TENM2: variants seen among roughly 807,000 people sequenced by gnomAD.
TENM2 encodes teneurin-2.
In TENM2, 52 loss-of-function variants were observed where a neutral mutation model predicts 245.2. That is an observed-to-expected ratio of 0.21 (90% CI 0.17 to 0.27). TENM2 has a LOEUF of 0.27. Among genes scored for constraint, TENM2 ranks in the 10% least tolerant of loss-of-function variants. TENM2 has a pLI of 1.00. For synonymous variants in TENM2, 1,363 were observed against 1,438.9 expected (o/e 0.95, Z 1.19); for missense variants, 3,046 against 3,666.8 (o/e 0.83, Z 4.37).
At chr5:167,967,772 A>T (rs2151910240) in intron 4 of TENM2, among the ~76,000 whole-genome samples, 1 of 152,344 alleles carries the variant, frequency 6.6e-6, no homozygotes, top group African/African-American at 2.4e-5. Context: ...TTAAGTTCAC[A>T]GTTGAAAAAA....
chr5:167,197,020 T>A, the TENM2 span, among the ~76,000 whole-genome samples: 2 of 152,096 alleles, frequency 1.3e-5, no homozygotes, highest in Admixed American at 6.6e-5. Context: ...CAATCGATTC[T>A]GGGATCTTGA....
chr5:167,512,555 C>T (rs760871983), intron 2 of TENM2, among the ~76,000 whole-genome samples: 18 of 152,278 alleles, frequency 1.2e-4, no homozygotes, highest in Middle Eastern at 3.4e-3. Flanking sequence ...CTATCAGTTC[C>T]TCTGAATAAG....
At chr5:167,130,076 G>A in the TENM2 span, among the ~76,000 whole-genome samples, 1 of 152,138 alleles carries the variant, frequency 6.6e-6, no homozygotes, top group Non-Finnish European at 1.5e-5. Flanking sequence ...TGGGTTGTGT[G>A]TGTATCTTTG....
chr5:167,805,342 G>A (rs1000119111), intron 2 of TENM2, among the ~76,000 whole-genome samples: 2 of 152,162 alleles, frequency 1.3e-5, no homozygotes, highest in Non-Finnish European at 2.9e-5. Context: ...GCTCTCCTGA[G>A]AAATTTTTTA....
At position 167,321,786 on chromosome 5, in the gene TENM2, T is replaced by TTTTTC. The variant is rs1756743995; in HGVS notation, c.226+36727_226+36728insCTTTT. On this transcript the variant is annotated intron_variant, in intron 1 of 28. Transcript: ENST00000518659. ...TCTGTTGTCTTGCTGCCTTGGCTTA[T>TTTTTC]TTTTTTTTTTTTTTTGGGGGGGGGG... 5.9e-5 allele frequency among the ~76,000 whole-genome samples: 2 copies of TTTTTC among 34,038 alleles called. 1 individual carries two copies. The highest frequency in any genetic ancestry group is 2.1e-4 in the African/African-American group (2 of 9,660). The allele number at this position is 34,038 out of a possible 152,430, so 22.3% of individuals were successfully genotyped here. A position where few individuals can be genotyped will look rare whatever the true frequency, so the allele number is the denominator to read the frequency against.
At chr5:168,043,673 C>T (rs757537431) in intron 5 of TENM2, among the ~76,000 whole-genome samples, 1 of 152,212 alleles carries the variant, frequency 6.6e-6, no homozygotes. Context: ...CCCAAACTCT[C>T]AGTGGCTTAT....
chr5:167,401,880 G>A (rs147007601), intron 2 of TENM2, among the ~76,000 whole-genome samples: 117 of 152,170 alleles, frequency 7.7e-4, no homozygotes, highest in African/African-American at 2.7e-3. Context: ...AGTGACAGAG[G>A]AGAAAGGAAG....
intron 2 of TENM2, among the ~76,000 whole-genome samples, chr5:167,459,049 G>A (rs1293585022): frequency 6.6e-6 from 1 of 152,078 alleles, no homozygotes; most frequent in East Asian, 1.9e-4. Flanking sequence ...GTAGTGTTAG[G>A]TACAGTCACA....
In TENM2 at chr5:168,091,628, C is replaced by T. The variant is rs552367271; in HGVS notation, c.1711+859C>T. Among the ~76,000 whole-genome samples, 8 of 152,278 alleles carry T rather than the reference C, an allele frequency of 5.3e-5. No homozygotes were observed. The East Asian group carries it at 7.7e-4, about 15-fold the overall frequency. ...GTGAATCAGGGAAGATTATTAGACC[C>T]ATTTCACAGAAGAATAAATTGAGAT... On this transcript the variant is annotated intron_variant, in intron 8 of 28. Transcript: ENST00000518659.
Position 167,379,931 on chromosome 5 carries a change from C to CA in TENM2, c.502+4472dup, listed in dbSNP as rs10622295. Among the ~76,000 whole-genome samples the CA allele has an allele frequency of 7.9e-3, 1,047 of 132,216 alleles. 19 individuals are homozygous for CA. The highest frequency in any genetic ancestry group is 0.02 in the African/African-American group (726 of 36,696). 86.7% of individuals were successfully genotyped at this position (132,216 alleles called of 152,430 possible). Reference sequence around the variant, plus strand: ...AACAAAACAAAATTTAAAAACATACCAAAAAAAAAAAAAACCCAGAACAAA... The same window carrying CA: ...AACAAAACAAAATTTAAAAACATACCAAAAAAAAAAAAAAACCCAGAACAAA... On this transcript the variant is annotated intron_variant, in intron 2 of 28. Coordinates refer to ENST00000518659, the Ensembl canonical transcript of TENM2.
At chr5:167,507,540 C>T (rs966847106) in intron 2 of TENM2, among the ~76,000 whole-genome samples, 3 of 152,144 alleles carry the variant, frequency 2.0e-5, no homozygotes, top group Non-Finnish European at 4.4e-5. Flanking sequence ...CCACCACACA[C>T]CTTCAATTCG....
the TENM2 span, among the ~76,000 whole-genome samples, chr5:167,186,606 GCTT>G: frequency 6.6e-6 from 1 of 152,182 alleles, no homozygotes; most frequent in African/African-American, 2.4e-5. Context: ...TGTGTAGTTG[GCTT>G]CTCTGCCAGT....
chr5:167,261,138 G>A, the TENM2 span, among the ~76,000 whole-genome samples: 3 of 152,172 alleles, frequency 2.0e-5, no homozygotes, highest in African/African-American at 7.2e-5. Context: ...CTGCTAAGAA[G>A]CTCTGGGAGT....
intron 13 of TENM2, among the ~76,000 whole-genome samples, chr5:168,176,654 G>T (rs1759385565): frequency 6.6e-6 from 1 of 151,930 alleles, no homozygotes; most frequent in Non-Finnish European, 1.5e-5. Context: ...ATTGTTTATT[G>T]TCTATTTTCC....
Position 168,196,354 on chromosome 5 carries a change from C to T in TENM2, c.2900+1059C>T, listed in dbSNP as rs576760398. 3.9e-5 allele frequency among the ~76,000 whole-genome samples: 6 copies of T among 152,346 alleles called. No homozygotes were observed. The South Asian group carries it at 1.0e-3, about 26-fold the overall frequency. On this transcript the variant is annotated intron_variant, in intron 15 of 28. Transcript: ENST00000518659. ...TGAAATTTCTGATATCTCACTCATA[C>T]ATTTCTGTAGCCAAATCTAATTATT... is the stretch of plus-strand genomic sequence containing the variant.
intron 2 of TENM2, among the ~76,000 whole-genome samples, chr5:167,860,388 G>A (rs1292580217): frequency 1.6e-4 from 15 of 92,578 alleles, no homozygotes; most frequent in South Asian, 4.6e-4. Flanking sequence ...CCCCCCGCCC[G>A]GCCAGCCGCC....
the TENM2 span, among the ~76,000 whole-genome samples, chr5:167,276,775 GT>G: frequency 2.6e-5 from 4 of 151,952 alleles, no homozygotes; most frequent in African/African-American, 9.7e-5. Context: ...TTGTTATACT[GT>G]ATTGATTTTT....
At chr5:167,152,809 A>G in the TENM2 span, among the ~76,000 whole-genome samples, 5 of 152,106 alleles carry the variant, frequency 3.3e-5, no homozygotes, top group African/African-American at 1.2e-4. Flanking sequence ...ACAGCAGGAG[A>G]TTCTATCAGA....
At chr5:167,834,562 T>C (rs1451318246) in intron 2 of TENM2, among the ~76,000 whole-genome samples, 3 of 151,846 alleles carry the variant, frequency 2.0e-5, no homozygotes, top group Non-Finnish European at 4.4e-5. Flanking sequence ...ATTGTTTCCA[T>C]GAAAGAAAGA....
Sources: gnomAD v4.1 joint callset for allele counts (sites outside exome capture counted in the v4.1 genomes callset) on GRCh38, gnomAD v4.1.1 for gene constraint, MANE v1.5 for transcripts, NCBI Gene and HGNC (gene_info 2026-07-23, HGNC 2026-07-21) for gene names.